The following ASTN2 variants were observed in gnomAD, a reference collection of about 807,000 sequenced individuals.
ASTN2 encodes the protein astrotactin 2.
ASTN2 carries 54 observed loss-of-function variants against 139.8 expected under a neutral mutation model. That is an observed-to-expected ratio of 0.39 (90% confidence interval 0.31 to 0.48). ASTN2 has a LOEUF of 0.48. ASTN2 is among the 20% of genes least tolerant of loss of function. The probability of loss-of-function intolerance (pLI) is 0.95; values close to 1 mark genes in which losing one functional copy is unlikely to be tolerated. For missense variants in ASTN2, 1,565 were observed against 1,725.1 expected (o/e 0.91, Z 1.64); for synonymous variants, 756 against 719.5 (o/e 1.05, Z -0.81).
chr9:117,016,673 CAT>C (rs1173124554), intron 6 of ASTN2, among the ~76,000 whole-genome samples: 77 of 100,692 alleles, frequency 7.6e-4, no homozygotes, highest in South Asian at 2.4e-3. Flanking sequence ...ATATATGTTA[CAT>C]ATATATAGGT....
chr9:117,379,668 G>A (rs548408875), intron 1 of ASTN2, among the ~76,000 whole-genome samples: 14 of 152,212 alleles, frequency 9.2e-5, no homozygotes, highest in Admixed American at 5.2e-4. Context: ...ATGCTATCCT[G>A]TCCTCCAGGA....
chr9:116,951,927 A>G (rs1445675079), intron 10 of ASTN2, among the ~76,000 whole-genome samples: 1 of 152,246 alleles, frequency 6.6e-6, no homozygotes, highest in Non-Finnish European at 1.5e-5. Flanking sequence ...ATAGTTTCAA[A>G]TACTAAAAAT....
rs116341333 is a variant in ASTN2 at position 117,251,402 on chromosome 9, T to C, written c.631-36660A>G. On this transcript the variant is annotated intron_variant, in intron 2 of 22. Coordinates refer to ENST00000313400, the MANE Select transcript of ASTN2 (RefSeq NM_001365068.1). The stretch of plus-strand genomic sequence containing the variant: ...TGTCTCATGATACTTATTATAAATA[T>C]GGTAATTTAATATAATATAAATTTA... 8.2e-3 allele frequency among the ~76,000 whole-genome samples: 1,250 copies of C among 152,156 alleles called. 23 individuals carry two copies. Among genetic ancestry groups the C allele is most frequent in the African/African-American group, 0.029 (1,199 of 41,514 alleles).
intron 10 of ASTN2, among the ~76,000 whole-genome samples, chr9:116,901,090 TTGTGTG>T (rs59919446): frequency 6.7e-6 from 1 of 149,552 alleles, no homozygotes; most frequent in African/African-American, 2.5e-5. Flanking sequence ...CGGCTACTGA[TTGTGTG>T]TGTGTGTGTG....
At chr9:116,959,756 T>G (rs187907492) in intron 10 of ASTN2, among the ~76,000 whole-genome samples, 1 of 152,004 alleles carries the variant, frequency 6.6e-6, no homozygotes, top group African/African-American at 2.4e-5. Flanking sequence ...CACCTTCCCA[T>G]GCAGAAGACA....
chr9:117,263,280 A>G (rs1833867604), intron 2 of ASTN2, among the ~76,000 whole-genome samples: 1 of 152,186 alleles, frequency 6.6e-6, no homozygotes, highest in East Asian at 1.9e-4. Flanking sequence ...CCCAGAGGAA[A>G]CCAGAGTGAA....
At chr9:117,046,184 A>G (rs1838737697) in intron 5 of ASTN2, among the ~76,000 whole-genome samples, 2 of 152,172 alleles carry the variant, frequency 1.3e-5, no homozygotes, top group Non-Finnish European at 1.5e-5. Context: ...TATTTTTAGT[A>G]GAGGCAGGGT....
chr9:116,862,919 C>T (rs527848372), intron 11 of ASTN2, among the ~76,000 whole-genome samples: 5 of 152,020 alleles, frequency 3.3e-5, no homozygotes, highest in South Asian at 4.2e-4. Context: ...AACCCTGTAT[C>T]TTAGGTCATT....
intron 17 of ASTN2, among the ~76,000 whole-genome samples, chr9:116,639,162 G>A (rs1857213411): frequency 6.6e-6 from 1 of 152,164 alleles, no homozygotes; most frequent in Non-Finnish European, 1.5e-5. Flanking sequence ...AGCAGATCCT[G>A]GGATTTAACA....
intron 20 of ASTN2, among the ~76,000 whole-genome samples, chr9:116,459,252 A>T (rs1453163193): frequency 6.6e-6 from 1 of 152,098 alleles, no homozygotes; most frequent in Non-Finnish European, 1.5e-5. Flanking sequence ...CACCATGTAT[A>T]AAAATTAAAA....
intron 11 of ASTN2, among the ~76,000 whole-genome samples, chr9:116,841,522 G>A (rs1026801258): frequency 3.9e-5 from 6 of 152,138 alleles, no homozygotes; most frequent in Non-Finnish European, 5.9e-5. Flanking sequence ...TTACAGGTAT[G>A]AGCCACCATG....
intron 10 of ASTN2, among the ~76,000 whole-genome samples, chr9:116,973,793 T>A (rs568273862): frequency 3.5e-4 from 54 of 152,342 alleles, no homozygotes; most frequent in African/African-American, 1.3e-3. Context: ...GCTATTTTAG[T>A]TCCTAGTAAT....
At chr9:116,598,000 A>G (rs1343502223) in intron 19 of ASTN2, among the ~76,000 whole-genome samples, 2 of 152,146 alleles carry the variant, frequency 1.3e-5, no homozygotes, top group African/African-American at 4.8e-5. Context: ...GTTCTCTTAC[A>G]ATCTTGCCTT....
chr9:117,100,829 T>C (rs903638040), intron 4 of ASTN2, among the ~76,000 whole-genome samples: 1 of 152,218 alleles, frequency 6.6e-6, no homozygotes, highest in South Asian at 2.1e-4. Flanking sequence ...TCAAGGCACT[T>C]GGAGTCTAGT....
At position 117,364,006 on chromosome 9, in the gene ASTN2, T is replaced by C. The variant is rs1451692363; in HGVS notation, c.442+50491A>G. On this transcript the variant is annotated intron_variant, in intron 1 of 22. Transcript: ENST00000313400. ...ATTAAATCCATTAGTAGCATGATAG[T>C]TTGGAATGGTTCCTAATAGTTAACA... 2.6e-5 allele frequency among the ~76,000 whole-genome samples: 4 copies of C among 152,294 alleles called. No individual in the cohort carries two copies. The East Asian group carries it at 7.7e-4, about 29-fold the overall frequency.
At chr9:117,319,610 T>A (rs939507435) in intron 1 of ASTN2, among the ~76,000 whole-genome samples, 1 of 135,534 alleles carries the variant, frequency 7.4e-6, no homozygotes, top group African/African-American at 2.8e-5. Context: ...TTTTTTTTTT[T>A]AATGTAGAGA....
intron 5 of ASTN2, among the ~76,000 whole-genome samples, chr9:117,050,718 T>A (rs1467944953): frequency 6.6e-6 from 1 of 152,110 alleles, no homozygotes; most frequent in Non-Finnish European, 1.5e-5. Context: ...ATGTATGGTG[T>A]CTAATGGTGG....
intron 1 of ASTN2, among the ~76,000 whole-genome samples, chr9:117,307,162 T>C (rs1045602965): frequency 6.6e-5 from 10 of 152,224 alleles, no homozygotes; most frequent in African/African-American, 2.4e-4. Flanking sequence ...AAAGTACAAG[T>C]GTGCTCACAA....
chr9:117,069,379 T>A (rs1391745168), intron 5 of ASTN2, among the ~76,000 whole-genome samples: 2 of 112,640 alleles, frequency 1.8e-5, no homozygotes, highest in Non-Finnish European at 1.8e-5. Flanking sequence ...AGAGATAGTT[T>A]GTTATAATTT....
Sources: gnomAD v4.1 joint callset for allele counts (sites outside exome capture counted in the v4.1 genomes callset) on GRCh38, gnomAD v4.1.1 for gene constraint, MANE v1.5 for transcripts, NCBI Gene and HGNC (gene_info 2026-07-23, HGNC 2026-07-21) for gene names.